Variants in UGT1A3 observed in about 807,000 individuals in gnomAD.
UGT1A3 encodes the protein UDP-glucuronosyltransferase 1A3.
Under a neutral mutation model 41.0 loss-of-function variants are expected in UGT1A3, and 31 were observed. The ratio of observed to expected loss-of-function variants is 0.76; its 90% CI spans 0.57 to 1.02. UGT1A3 has a LOEUF of 1.02. Ranked by LOEUF, UGT1A3 falls within the 50% of genes least tolerant of loss-of-function variation. The pLI is 0.00. For missense variants in UGT1A3, 737 were observed against 671.0 expected (o/e 1.10, Z -1.09); for synonymous variants, 262 against 257.6 (o/e 1.02, Z -0.17).
At chr2:233,758,553 G>A (rs1420441081) in intron 1 of UGT1A3, among the ~76,000 whole-genome samples, 1 of 152,202 alleles carries the variant, frequency 6.6e-6, no homozygotes, top group Non-Finnish European at 1.5e-5. Context: ...TGCTTGCCCA[G>A]AATCTTGGTC....
In UGT1A3 at chr2:233,768,342, C is replaced by G; in HGVS notation, c.1210C>G (p.Arg404Gly). Residue 404 changes from arginine (R) to glycine (G), a missense_variant, in exon 4 of 5, where the codon CGC becomes GGC. Physicochemically the swap from Arg to Gly is moderately radical, Grantham distance 125. Transcript: ENST00000482026. ...TGGTGATCAGATGGACAATGCAAAG[C>G]GCATGGAGACTAAGGGAGCTGGAGT... ...LFGDQMDNAK[R>G]METKGAGVTL... 6.2e-7 allele frequency: 1 copy of G among 1,614,092 alleles called. No homozygotes were observed. Among genetic ancestry groups the G allele is most frequent in the South Asian group, 1.1e-5 (1 of 91,066 alleles).
intron 1 of UGT1A3, among the ~76,000 whole-genome samples, chr2:233,730,198 G>A (rs544900257): frequency 2.0e-5 from 3 of 152,306 alleles, no homozygotes; most frequent in South Asian, 4.2e-4. Context: ...CTGAGAGGAA[G>A]AGGAAGTAGA....
intron 1 of UGT1A3, chr2:233,755,784 A>C (rs1162411110): frequency 6.6e-6 from 1 of 152,660 alleles, no homozygotes; most frequent in Non-Finnish European, 1.5e-5. Context: ...TATGCCTATC[A>C]TATGTACTGC....
intron 1 of UGT1A3, among the ~76,000 whole-genome samples, chr2:233,762,621 C>T (rs1374321731): frequency 6.6e-6 from 1 of 152,118 alleles, no homozygotes; most frequent in Non-Finnish European, 1.5e-5. Context: ...TTGTTGTGAC[C>T]TCAAACACTT....
At position 233,764,579 on chromosome 2, in the gene UGT1A3, G is replaced by A. The variant is rs530578816; in HGVS notation, c.868-2455G>A. Among the ~76,000 whole-genome samples, 7 of 152,190 alleles carry A rather than the reference G, an allele frequency of 4.6e-5. No individual in the cohort carries two copies. The East Asian group carries it at 1.2e-3, about 25-fold the overall frequency. On this transcript the variant is annotated intron_variant, in intron 1 of 4. Transcript: ENST00000482026. ...TGTGCCTGGAGGAGAACTTAGACTC[G>A]GCCTTTTCCAGATGAGCTTCAGTGT...
At chr2:233,745,790 T>G (rs1693218354) in intron 1 of UGT1A3, among the ~76,000 whole-genome samples, 2 of 150,238 alleles carry the variant, frequency 1.3e-5, no homozygotes, top group African/African-American at 2.5e-5. Flanking sequence ...ACAGGGGGGC[T>G]GGGGTCTATC....
At chr2:233,754,387 G>C in intron 1 of UGT1A3, 1 of 304,284 alleles carries the variant, frequency 3.3e-6, no homozygotes, top group South Asian at 3.1e-5. Context: ...ACAAACAGAG[G>C]TCCTATCCGT....
intron 4 of UGT1A3, 76 bp from the exon 5 acceptor site, chr2:233,772,186 A>G (rs1281313129): frequency 2.5e-6 from 4 of 1,593,838 alleles, no homozygotes; most frequent in Non-Finnish European, 2.6e-6. Flanking sequence ...AGTCTTCTTA[A>G]GCAGCCATGA....
chr2:233,747,196 T>C, intron 1 of UGT1A3: 1 of 1,604,480 alleles, frequency 6.2e-7, no homozygotes, highest in Non-Finnish European at 8.5e-7. Flanking sequence ...CAGTCAGCTG[T>C]CCGTGTCTTC....
chr2:233,748,553 T>G (rs1693970920), intron 1 of UGT1A3, among the ~76,000 whole-genome samples: 1 of 151,806 alleles, frequency 6.6e-6, no homozygotes, highest in Admixed American at 6.5e-5. Context: ...ACCTAAGCAC[T>G]CGCAGGAAGT....
At position 233,772,831 on chromosome 2, in the gene UGT1A3, T is replaced by TCACACAAGAAAGCCAGCAAGGAAG; in HGVS notation, c.*273_*274insACACAAGAAAGCCAGCAAGGAAGC. 1 of 893,952 alleles carries TCACACAAGAAAGCCAGCAAGGAAG rather than the reference T, an allele frequency of 1.1e-6. No homozygotes were observed. The highest frequency in any genetic ancestry group is 1.6e-6 in the Non-Finnish European group (1 of 642,656). 55.4% of individuals were successfully genotyped at this position (893,952 alleles called of 1,614,324 possible). A position where few individuals can be genotyped will look rare whatever the true frequency, so the allele number is the denominator to read the frequency against. On this transcript the variant is annotated 3_prime_UTR_variant, in exon 5 of 5. Coordinates refer to ENST00000482026, the MANE Select transcript of UGT1A3 (RefSeq NM_019093.4). ...AGAGGACGTGCAGACAGGCTGGCATTCTAGATTACTTTTCTTACTCTGAAA... is the reference window on the plus strand; with the variant it reads ...AGAGGACGTGCAGACAGGCTGGCATTCACACAAGAAAGCCAGCAAGGAAGCTAGATTACTTTTCTTACTCTGAAA...
chr2:233,736,752 G>A (rs2078802513), intron 1 of UGT1A3, among the ~76,000 whole-genome samples: 1 of 152,176 alleles, frequency 6.6e-6, no homozygotes, highest in Non-Finnish European at 1.5e-5. Context: ...CTGTTTGTTA[G>A]TTTTCCTTCT....
intron 1 of UGT1A3, chr2:233,743,981 G>GC: frequency 1.5e-6 from 2 of 1,297,888 alleles, no homozygotes; most frequent in Non-Finnish European, 2.0e-6. Flanking sequence ...CAGCACCCAG[G>GC]CGCAGGCCCG....
chr2:233,747,202 T>A (rs1693588071), intron 1 of UGT1A3: 1 of 1,604,794 alleles, frequency 6.2e-7, no homozygotes, highest in South Asian at 1.1e-5. Flanking sequence ...GCTGTCCGTG[T>A]CTTCTGCTGA....
chr2:233,762,966 C>T (rs947524337), intron 1 of UGT1A3, among the ~76,000 whole-genome samples: 7 of 152,068 alleles, frequency 4.6e-5, no homozygotes, highest in African/African-American at 1.2e-4. Context: ...GAAAGATGCC[C>T]GTCTTGCTGC....
At chr2:233,742,882 C>A (rs1692122938) in intron 1 of UGT1A3, 1 of 164,914 alleles carries the variant, frequency 6.1e-6, no homozygotes, top group Non-Finnish European at 1.3e-5. Flanking sequence ...ACCTGGCTCA[C>A]ACTTTCCCAA....
At chr2:233,747,969 T>G in intron 1 of UGT1A3, 1 of 1,613,504 alleles carries the variant, frequency 6.2e-7, no homozygotes. Flanking sequence ...CAGCCATGCA[T>G]CTGTGTGGCT....
At chr2:233,749,358 A>G (rs1263480064) in intron 1 of UGT1A3, among the ~76,000 whole-genome samples, 1 of 151,706 alleles carries the variant, frequency 6.6e-6, no homozygotes, top group Non-Finnish European at 1.5e-5. Context: ...TTAAATAGTG[A>G]CTCTTGCCCT....
rs371916153 is a variant in UGT1A3, at chr2:233,743,676, T to C, written c.867+13683T>C. On this transcript the variant is annotated intron_variant, in intron 1 of 4. Coordinates refer to ENST00000482026, the MANE Select transcript of UGT1A3 (RefSeq NM_019093.4). Reference sequence around the variant, plus strand: ...TACTCGAAGGGGTCCTCGAAGGGCCTGCCGCCTGTGCAGCCGCCCTCCGCC... The same window carrying C: ...TACTCGAAGGGGTCCTCGAAGGGCCCGCCGCCTGTGCAGCCGCCCTCCGCC... 1.7e-5 allele frequency: 23 copies of C among 1,367,108 alleles called. No homozygotes were observed. In the African/African-American group the frequency reaches 3.1e-4, roughly 19 times the overall value. The allele number at this position is 1,367,108 out of a possible 1,614,324, so 84.7% of individuals were successfully genotyped here. A position where few individuals can be genotyped will look rare whatever the true frequency, so the allele number is the denominator to read the frequency against.
Sources: gnomAD v4.1 joint callset for allele counts (sites outside exome capture counted in the v4.1 genomes callset) on GRCh38, gnomAD v4.1.1 for gene constraint, MANE v1.5 for transcripts, NCBI Gene and HGNC (gene_info 2026-07-23, HGNC 2026-07-21) for gene names.